Variants in DLG2 observed in about 807,000 individuals in gnomAD.
DLG2 encodes disks large homolog 2.
Under a neutral mutation model 132.5 loss-of-function variants are expected in DLG2, and 45 were observed. The observed-to-expected ratio is 0.34, with a 90% confidence interval of 0.27 to 0.44. The LOEUF is 0.44. DLG2 is among the 20% of genes least tolerant of loss of function. DLG2 has a pLI of 1.00. For synonymous variants in DLG2, 424 were observed against 419.6 expected, an observed-to-expected ratio of 1.01 and a Z score of -0.13; for missense variants, 1,045 against 1,196.9, an observed-to-expected ratio of 0.87 and a Z score of 1.87.
rs1221044786 is a variant in DLG2, at chr11:84,844,085, G to GTGTA, written c.357+267575_357+267576insTACA. Among the ~76,000 whole-genome samples, 117 of 93,124 alleles carry GTGTA rather than the reference G, an allele frequency of 1.3e-3. 1 individual carries two copies. Among genetic ancestry groups the GTGTA allele is most frequent in the Non-Finnish European group, 2.0e-3 (87 of 44,612 alleles). The allele number at this position is 93,124 out of a possible 152,430, so 61.1% of individuals were successfully genotyped here. Reference sequence around the variant, plus strand: ...TATGTTTGTGTGTGTGTGTGTGTGTGTATATATATATATATATGTTTGTGT... The same window carrying GTGTA: ...TATGTTTGTGTGTGTGTGTGTGTGTGTGTATATATATATATATATATGTTTGTGT... On this transcript the variant is annotated intron_variant, in intron 6 of 27. Coordinates refer to ENST00000376104, the MANE Select transcript of DLG2 (RefSeq NM_001142699.3).
In DLG2 at chr11:85,007,583, G is replaced by A. The variant is rs1333534044; in HGVS notation, c.357+104078C>T. Among the ~76,000 whole-genome samples the A allele has an allele frequency of 6.8e-5, 10 of 147,010 alleles. 1 individual carries two copies. Among genetic ancestry groups the A allele is most frequent in the Admixed American group, 3.5e-4 (5 of 14,452 alleles). The stretch of plus-strand genomic sequence containing the variant: ...CGGGAAGCTGAGGCAGGAGAATGGC[G>A]TGAATCTGGGAGGCAGAGATTGCAG... On this transcript the variant is annotated intron_variant, in intron 6 of 27. Transcript: ENST00000376104.
intron 7 of DLG2, among the ~76,000 whole-genome samples, chr11:84,315,193 A>AG (rs2098341341): frequency 6.6e-6 from 1 of 152,154 alleles, no homozygotes; most frequent in African/African-American, 2.4e-5. Flanking sequence ...AATGGCTGTA[A>AG]GTTTCAGACA....
At chr11:85,002,289 A>AC (rs1228463764) in intron 6 of DLG2, among the ~76,000 whole-genome samples, 4 of 152,186 alleles carry the variant, frequency 2.6e-5, no homozygotes, top group African/African-American at 9.7e-5. Context: ...TGGGAAAGAA[A>AC]CTTGGGATTG....
chr11:85,172,990 G>A (rs890781843), intron 4 of DLG2, among the ~76,000 whole-genome samples: 2 of 152,118 alleles, frequency 1.3e-5, no homozygotes, highest in African/African-American at 4.8e-5. Flanking sequence ...CCAAACCTAT[G>A]AATGATTGGG....
intron 6 of DLG2, among the ~76,000 whole-genome samples, chr11:85,071,246 G>A (rs1221284208): frequency 3.3e-5 from 5 of 151,650 alleles, no homozygotes; most frequent in African/African-American, 7.3e-5. Flanking sequence ...TTAGCGTTAC[G>A]TCCATGGAAG....
Position 83,847,797 on chromosome 11 carries a change from C to T in DLG2, c.1566-14027G>A, listed in dbSNP as rs3793950. Among the ~76,000 whole-genome samples the T allele has an allele frequency of 4.6e-5, 7 of 152,284 alleles. No homozygotes were observed. In the East Asian group the frequency reaches 1.3e-3, roughly 29 times the overall value. ...TGATTTAATAAATATTTAGTACTCA[C>T]CTTCAAGAAAGTGGAGAGAACAGAA... On this transcript the variant is annotated intron_variant, in intron 16 of 27. Transcript: ENST00000376104.
chr11:84,486,460 C>A (rs2099151154), intron 7 of DLG2, among the ~76,000 whole-genome samples: 1 of 152,064 alleles, frequency 6.6e-6, no homozygotes, highest in South Asian at 2.1e-4. Flanking sequence ...TCTGCTTTTT[C>A]TTTAGGTTCT....
chr11:85,554,342 A>G (rs1265562806), intron 3 of DLG2, among the ~76,000 whole-genome samples: 1 of 151,966 alleles, frequency 6.6e-6, no homozygotes, highest in East Asian at 1.9e-4. Flanking sequence ...TTTAAAAATC[A>G]GAAGATAATA....
At chr11:84,870,204 G>T (rs2085262725) in intron 6 of DLG2, among the ~76,000 whole-genome samples, 1 of 152,138 alleles carries the variant, frequency 6.6e-6, no homozygotes, top group South Asian at 2.1e-4. Context: ...TAATATGAGT[G>T]AATTACATCA....
In DLG2 at chr11:83,652,456, C is replaced by T. The variant is rs191385322; in HGVS notation, c.1826-19131G>A. 1.9e-3 allele frequency among the ~76,000 whole-genome samples: 282 copies of T among 152,216 alleles called. 1 individual carries two copies. The highest frequency in any genetic ancestry group is 6.4e-3 in the African/African-American group (265 of 41,530). On this transcript the variant is annotated intron_variant, in intron 18 of 27. Coordinates refer to ENST00000376104, the MANE Select transcript of DLG2 (RefSeq NM_001142699.3). ...TGCAATCTTGGCTCACTGCAACCTC[C>T]GCCTCCTGGGTTCAAGCGTTTCTCC...
intron 3 of DLG2, among the ~76,000 whole-genome samples, chr11:85,484,359 A>T (rs1488836171): frequency 6.6e-6 from 1 of 151,166 alleles, no homozygotes; most frequent in Non-Finnish European, 1.5e-5. Context: ...ATGGGATCTA[A>T]TTAAACTAAA....
intron 6 of DLG2, among the ~76,000 whole-genome samples, chr11:84,849,446 T>C (rs2081918519): frequency 6.6e-6 from 1 of 152,122 alleles, no homozygotes; most frequent in African/African-American, 2.4e-5. Flanking sequence ...TTCCTACATA[T>C]ACAACCTCAT....
chr11:85,466,691 C>T (rs2153067944), intron 3 of DLG2, among the ~76,000 whole-genome samples: 1 of 152,270 alleles, frequency 6.6e-6, no homozygotes, highest in Middle Eastern at 3.4e-3. Context: ...GTACCAGTAG[C>T]ATGCTGTTTT....
intron 19 of DLG2, among the ~76,000 whole-genome samples, chr11:83,621,528 G>A (rs1041743513): frequency 6.6e-6 from 1 of 152,076 alleles, no homozygotes; most frequent in Non-Finnish European, 1.5e-5. Context: ...CTTAGCTTTT[G>A]AAAGATTTGC....
At chr11:84,932,453 C>T (rs1231800090) in intron 6 of DLG2, among the ~76,000 whole-genome samples, 2 of 152,026 alleles carry the variant, frequency 1.3e-5, no homozygotes, top group East Asian at 3.9e-4. Flanking sequence ...TACATAGGTA[C>T]ACATGTACCA....
At chr11:85,291,585 C>CTTTTT (rs11436726) in intron 3 of DLG2, among the ~76,000 whole-genome samples, 1 of 138,768 alleles carries the variant, frequency 7.2e-6, no homozygotes, top group Non-Finnish European at 1.5e-5. Context: ...GGATTCTCTT[C>CTTTTT]TTTTTTTTTT....
intron 7 of DLG2, among the ~76,000 whole-genome samples, chr11:84,312,969 C>T (rs2098305084): frequency 6.7e-6 from 1 of 148,908 alleles, no homozygotes; most frequent in Admixed American, 6.7e-5. Flanking sequence ...GCCACCACGC[C>T]CGGCCAATTT....
At chr11:85,077,501 T>A (rs1181505927) in intron 6 of DLG2, among the ~76,000 whole-genome samples, 1 of 152,062 alleles carries the variant, frequency 6.6e-6, no homozygotes, top group African/African-American at 2.4e-5. Context: ...TCTTCCAACT[T>A]ATTTGCTGGA....
Position 83,491,191 on chromosome 11 carries a change from AAAC to A in DLG2, c.2194-6966_2194-6964del, listed in dbSNP as rs950750000. On this transcript the variant is annotated intron_variant, in intron 21 of 27. Transcript: ENST00000376104. ...ACTTCAAATCTAACACCAGGAATAA[AAAC>A]AATTCCAACTCGCATGAAGCACAAG... Among the ~76,000 whole-genome samples, 7 of 151,296 alleles carry A rather than the reference AAAC, an allele frequency of 4.6e-5. 1 individual carries two copies. The Middle Eastern group carries it at 9.6e-3, about 207-fold the overall frequency.
Sources: allele counts gnomAD v4.1 joint callset (sites outside exome capture counted in the v4.1 genomes callset), GRCh38; gene constraint gnomAD v4.1.1; transcripts MANE v1.5; gene names NCBI Gene and HGNC (gene_info 2026-07-23, HGNC 2026-07-21).